SLFN12L: variants seen among roughly 807,000 people sequenced by gnomAD.
The protein encoded by SLFN12L is schlafen family member 12-like.
SLFN12L carries 34 observed loss-of-function variants against 34.8 expected under a neutral mutation model. The ratio of observed to expected loss-of-function variants is 0.98; its 90% CI spans 0.74 to 1.30. SLFN12L has a LOEUF of 1.30. Ranked by LOEUF, SLFN12L falls within the 50% of genes most tolerant of loss-of-function variation. The probability of loss-of-function intolerance (pLI) is 0.00; values close to 1 mark genes in which losing one functional copy is unlikely to be tolerated. For missense variants in SLFN12L, 703 were observed against 696.2 expected (o/e 1.01, Z -0.11); for synonymous variants, 259 against 247.5 (o/e 1.05, Z -0.44).
rs967159057 is a variant in SLFN12L, at chr17:35,522,546, T to A, written c.-182A>T. 1 of 1,611,156 alleles carries A rather than the reference T, an allele frequency of 6.2e-7. No individual in the cohort carries two copies. The highest frequency in any genetic ancestry group is 8.5e-7 in the Non-Finnish European group (1 of 1,178,522). ...GCCGAGCAAGACAATCACGAGGGAC[T>A]GCAGCAGGGCTTCCAATGTGCTGGG... is the stretch of plus-strand genomic sequence containing the variant. On this transcript the variant is annotated 5_prime_UTR_variant, in exon 2 of 5. Transcript: ENST00000628453.
At chr17:35,483,106 G>A (rs1244696303) in intron 2 of SLFN12L, among the ~76,000 whole-genome samples, 1 of 152,114 alleles carries the variant, frequency 6.6e-6, no homozygotes, top group African/African-American at 2.4e-5. Flanking sequence ...GCTGCAGAGA[G>A]AAGCAACGGT....
chr17:35,496,539 C>T (rs910170791), intron 2 of SLFN12L, among the ~76,000 whole-genome samples: 1 of 125,232 alleles, frequency 8.0e-6, no homozygotes, highest in African/African-American at 2.9e-5. Flanking sequence ...CCCCTCCTTT[C>T]CCTTCCCTCC....
intron 1 of SLFN12L, among the ~76,000 whole-genome samples, chr17:35,530,441 G>GAAGGAAAGAAGGAAAGA (rs1555545952): frequency 1.2e-4 from 2 of 16,878 alleles, no homozygotes; most frequent in African/African-American, 2.1e-4. Context: ...GAAGGGAAGG[G>GAAGGAAAGAAGGAAAGA]AAGAAAGAAA....
intron 1 of SLFN12L, among the ~76,000 whole-genome samples, chr17:35,530,313 C>T (rs1213778616): frequency 7.0e-6 from 1 of 142,738 alleles, no homozygotes; most frequent in East Asian, 2.0e-4. Context: ...TGCCACTGCA[C>T]TCCAGTCTGG....
rs776703396 is a variant in SLFN12L, at chr17:35,479,858, C to A, written c.424G>T (p.Gly142Cys). Residue 142 changes from glycine to cysteine, a missense_variant, in exon 3 of 5, where the codon GGT (glycine) becomes TGT (cysteine). Coordinates refer to ENST00000628453, the MANE Select transcript of SLFN12L (RefSeq NM_001363830.2). Reference sequence around the variant, plus strand: ...TTCACAAAAATGTGAAAGTAGTTACCATTCTGCATGAAGTCCAGGAAATTA... The same window carrying A: ...TTCACAAAAATGTGAAAGTAGTTACAATTCTGCATGAAGTCCAGGAAATTA... ...VPNFLDFMQN[G>C]NYFHIFVKSW... 2 of 1,607,294 alleles carry A rather than the reference C, an allele frequency of 1.2e-6. No homozygotes were observed. The highest frequency in any genetic ancestry group is 8.5e-7 in the Non-Finnish European group (1 of 1,176,166).
intron 2 of SLFN12L, among the ~76,000 whole-genome samples, chr17:35,513,991 G>A (rs1915735650): frequency 6.6e-6 from 1 of 152,162 alleles, no homozygotes; most frequent in African/African-American, 2.4e-5. Flanking sequence ...CTCAGATGAA[G>A]GTGGATATGA....
intron 4 of SLFN12L, 144 bp from the exon 5 acceptor site, chr17:35,475,629 T>C: frequency 7.6e-7 from 1 of 1,310,460 alleles, no homozygotes; most frequent in Non-Finnish European, 1.0e-6. Flanking sequence ...CCAGGCATGG[T>C]GGCTCACACC....
chr17:35,495,191 C>T (rs965004036), intron 2 of SLFN12L, among the ~76,000 whole-genome samples: 55 of 152,138 alleles, frequency 3.6e-4, no homozygotes, highest in Admixed American at 8.5e-4. Context: ...TGAGCCACCA[C>T]GCCTGGCCGC....
chr17:35,522,400 G>A lies in SLFN12L; in HGVS notation c.-36C>T. 1 of 1,614,172 alleles carries A rather than the reference G, an allele frequency of 6.2e-7. No individual in the cohort carries two copies. Among genetic ancestry groups the A allele is most frequent in the East Asian group, 2.2e-5 (1 of 44,884 alleles). On this transcript the variant is annotated 5_prime_UTR_variant, in exon 2 of 5. Coordinates refer to ENST00000628453, the MANE Select transcript of SLFN12L (RefSeq NM_001363830.2). The stretch of plus-strand genomic sequence containing the variant: ...GCCATGATGGTCTTTCCTAAGCCAG[G>A]TAAGCCATGGACAAACAATTCTCTG...
intron 2 of SLFN12L, among the ~76,000 whole-genome samples, chr17:35,493,844 AC>A (rs1914935871): frequency 6.6e-6 from 1 of 152,232 alleles, no homozygotes; most frequent in Admixed American, 6.5e-5. Flanking sequence ...CTACCAGAAT[AC>A]TTTCTAGATG....
At chr17:35,535,789 G>A (rs2072455294) in intron 1 of SLFN12L, among the ~76,000 whole-genome samples, 1 of 151,974 alleles carries the variant, frequency 6.6e-6, no homozygotes, top group Non-Finnish European at 1.5e-5. Flanking sequence ...CTGAGTAGCT[G>A]GAATGACAGG....
At position 35,515,804 on chromosome 17, in the gene SLFN12L, C is replaced by T. The variant is rs187595472; in HGVS notation, c.86+6475G>A. The stretch of plus-strand genomic sequence containing the variant: ...GATTACAGGAGCCCACCACCACACC[C>T]GGCTAATTTTTGTATTTTTAGAAGA... On this transcript the variant is annotated intron_variant, in intron 2 of 4. Coordinates refer to ENST00000628453, the MANE Select transcript of SLFN12L (RefSeq NM_001363830.2). Among the ~76,000 whole-genome samples the T allele has an allele frequency of 1.7e-3, 263 of 151,850 alleles. 1 individual carries two copies. The highest frequency in any genetic ancestry group is 0.014 in the Middle Eastern group (4 of 294).
At chr17:35,499,828 T>G (rs1171516908) in intron 2 of SLFN12L, 1 of 182,648 alleles carries the variant, frequency 5.5e-6, no homozygotes, top group African/African-American at 2.4e-5. Context: ...AACCATTTAG[T>G]CATTGAAAAG....
intron 2 of SLFN12L, among the ~76,000 whole-genome samples, chr17:35,515,698 A>G (rs1298959004): frequency 7.6e-6 from 1 of 131,154 alleles, no homozygotes; most frequent in African/African-American, 2.9e-5. Context: ...GGCTGGAGTG[A>G]AGTGGCACGA....
In SLFN12L at chr17:35,535,380, A is replaced by G. The variant is rs139117398; in HGVS notation, c.-606+2193T>C. On this transcript the variant is annotated intron_variant, in intron 1 of 4. Transcript: ENST00000628453. ...TAATTTTTTTTTTTTTATTTTTAGTAGTGACGGGGTTTCTCCACGTTGTTC... is the reference window on the plus strand; with the variant it reads ...TAATTTTTTTTTTTTTATTTTTAGTGGTGACGGGGTTTCTCCACGTTGTTC... 9.4e-3 allele frequency among the ~76,000 whole-genome samples: 1,404 copies of G among 148,690 alleles called. 23 individuals are homozygous for G. Among genetic ancestry groups the G allele is most frequent in the African/African-American group, 0.033 (1,326 of 40,290 alleles).
In SLFN12L at chr17:35,479,735, C is replaced by A; in HGVS notation, c.547G>T (p.Ala183Ser). The A allele has an allele frequency of 6.2e-7, 1 of 1,614,140 alleles. No individual in the cohort carries two copies. Among genetic ancestry groups the A allele is most frequent in the Non-Finnish European group, 8.5e-7 (1 of 1,179,996 alleles). ...ATGTCTTTGAGGAACTCCAGTGCAG[C>A]AGAAGCATTCATGACTTTTGCAGAC... ...VTSAKVMNAS[A>S]ALEFLKDMEK... Residue 183 changes from alanine (A) to serine (S), a missense_variant, in exon 3 of 5, where the codon GCT becomes TCT. Coordinates refer to ENST00000628453, the MANE Select transcript of SLFN12L (RefSeq NM_001363830.2).
At chr17:35,484,945 C>T (rs1290542616) in intron 2 of SLFN12L, among the ~76,000 whole-genome samples, 1 of 152,064 alleles carries the variant, frequency 6.6e-6, no homozygotes, top group Non-Finnish European at 1.5e-5. Flanking sequence ...CTGTTTTTTC[C>T]TGACTCAGTG....
At position 35,474,430 on chromosome 17, in the gene SLFN12L, T is replaced by C. The variant is rs1460583928; in HGVS notation, c.*493A>G. Reference sequence around the variant, plus strand: ...CCCAGTTTTCCAACATCACGTCAAGTTGCCTAACTTGCAATGTTTTCAAAG... The same window carrying C: ...CCCAGTTTTCCAACATCACGTCAAGCTGCCTAACTTGCAATGTTTTCAAAG... On this transcript the variant is annotated 3_prime_UTR_variant, in exon 5 of 5. Transcript: ENST00000628453. The C allele has an allele frequency of 2.0e-5, 3 of 152,696 alleles. No individual in the cohort carries two copies. The highest frequency in any genetic ancestry group is 4.4e-5 in the Non-Finnish European group (3 of 68,432). The allele number at this position is 152,696 out of a possible 1,614,324, so 9.5% of individuals were successfully genotyped here.
At chr17:35,490,165 CG>C in intron 2 of SLFN12L, 3 of 1,606,598 alleles carry the variant, frequency 1.9e-6, no homozygotes, top group Non-Finnish European at 2.5e-6. Context: ...CCAGCAGAGC[CG>C]GGCTGCTGCA....
Sources: gnomAD v4.1 joint callset for allele counts (sites outside exome capture counted in the v4.1 genomes callset) on GRCh38, gnomAD v4.1.1 for gene constraint, MANE v1.5 for transcripts, NCBI Gene and HGNC (gene_info 2026-07-23, HGNC 2026-07-21) for gene names.